CACNA1E: variants seen among roughly 807,000 people sequenced by gnomAD.
CACNA1E encodes the protein calcium voltage-gated channel subunit alpha1 E, also known as voltage-dependent R-type calcium channel subunit alpha-1E.
In CACNA1E, 40 loss-of-function variants were observed where a neutral mutation model predicts 259.2. The ratio of observed to expected loss-of-function variants is 0.15; its 90% confidence interval spans 0.12 to 0.20. The LOEUF is 0.20. CACNA1E is among the 10% of genes least tolerant of loss of function. The probability of loss-of-function intolerance (pLI) is 1.00; values close to 1 mark genes in which losing one functional copy is unlikely to be tolerated. For missense variants in CACNA1E, 1,874 were observed against 3,040.1 expected (o/e 0.62, Z 9.02); for synonymous variants, 1,104 against 1,138.5 (o/e 0.97, Z 0.61).
chr1:181,694,764 C>T (rs912846410), intron 7 of CACNA1E, among the ~76,000 whole-genome samples: 1 of 152,140 alleles, frequency 6.6e-6, no homozygotes, highest in African/African-American at 2.4e-5. Context: ...AAACCTACAG[C>T]CAGCATCATA....
At chr1:181,467,922 A>G (rs536375845) in intron 2 of CACNA1E, among the ~76,000 whole-genome samples, 1 of 152,342 alleles carries the variant, frequency 6.6e-6, no homozygotes, top group South Asian at 2.1e-4. Context: ...TCTAGTGGCT[A>G]CAGGCCAGGG....
Position 181,630,384 on chromosome 1 carries a change from G to GC in CACNA1E, c.952-20947dup, listed in dbSNP as rs371364830. The stretch of plus-strand genomic sequence containing the variant: ...TGGGACAAAGCAGTGTAATTAACAT[G>GC]CCCCCCCACCCCGCCTTAAAACCTA... On this transcript the variant is annotated intron_variant, in intron 6 of 47. Transcript: ENST00000367573. Among the ~76,000 whole-genome samples, 1,349 of 144,718 alleles carry GC rather than the reference G, an allele frequency of 9.3e-3. 21 individuals are homozygous for GC. The highest frequency in any genetic ancestry group is 0.029 in the South Asian group (127 of 4,360). The allele number at this position is 144,718 out of a possible 152,430, so 94.9% of individuals were successfully genotyped here. A position where few individuals can be genotyped will look rare whatever the true frequency, so the allele number is the denominator to read the frequency against.
intron 6 of CACNA1E, among the ~76,000 whole-genome samples, chr1:181,639,339 T>A (rs1657537324): frequency 6.6e-6 from 1 of 152,196 alleles, no homozygotes. Context: ...CCACCCACCT[T>A]GGCCTACCAA....
intron 7 of CACNA1E, among the ~76,000 whole-genome samples, chr1:181,682,791 C>T (rs748329305): frequency 2.0e-5 from 3 of 152,134 alleles, no homozygotes; most frequent in Non-Finnish European, 4.4e-5. Flanking sequence ...TTTTAAACAA[C>T]CAGATCTCAT....
In CACNA1E at chr1:181,485,431, C is replaced by A. The variant is rs190405377; in HGVS notation, c.266+1421C>A. 6.6e-6 allele frequency among the ~76,000 whole-genome samples: 1 copy of A among 152,306 alleles called. No individual in the cohort carries two copies. The highest frequency in any genetic ancestry group is 1.9e-4 in the East Asian group (1 of 5,182). ...CTAGGCAGCACCCCCTCATTAGAAA[C>A]GAAGGAGCATCTCTAAGCAGATATT... On this transcript the variant is annotated intron_variant, in intron 1 of 47. Transcript: ENST00000367573. The surrounding 1 kb of genome is among the most constrained non-coding windows in gnomAD (Gnocchi z 4.2).
chr1:181,638,553 T>A (rs1228064267), intron 6 of CACNA1E, among the ~76,000 whole-genome samples: 3 of 152,182 alleles, frequency 2.0e-5, no homozygotes, highest in African/African-American at 4.8e-5. Flanking sequence ...CTTGGGCACA[T>A]CCCCTGTGCC....
At chr1:181,426,742 C>T (rs1659275568) in intron 2 of CACNA1E, among the ~76,000 whole-genome samples, 1 of 149,728 alleles carries the variant, frequency 6.7e-6, no homozygotes, top group African/African-American at 2.5e-5. Context: ...CACAACTCAG[C>T]CCCTTCCCGT....
At chr1:181,325,800 A>C (rs955188952) in intron 1 of CACNA1E, among the ~76,000 whole-genome samples, 10 of 152,196 alleles carry the variant, frequency 6.6e-5, no homozygotes. Flanking sequence ...ACATCCCAGC[A>C]TCTTCTGCAA....
chr1:181,750,972 T>C (rs992960437), intron 26 of CACNA1E, among the ~76,000 whole-genome samples: 16 of 146,748 alleles, frequency 1.1e-4, no homozygotes, highest in African/African-American at 4.0e-4. Flanking sequence ...TTTATCTCCC[T>C]GTCAGGGGGG....
At chr1:181,717,865 G>A (rs1248908267) in intron 11 of CACNA1E, among the ~76,000 whole-genome samples, 190 bp from the exon 12 acceptor site, 1 of 152,184 alleles carries the variant, frequency 6.6e-6, no homozygotes. Flanking sequence ...TCTCTTGAGT[G>A]CACCTGGGAC....
intron 34 of CACNA1E, among the ~76,000 whole-genome samples, chr1:181,765,485 T>G (rs1296018033): frequency 6.6e-6 from 1 of 152,218 alleles, no homozygotes; most frequent in Admixed American, 6.5e-5. Flanking sequence ...AATCAACACT[T>G]CATTGGAGAG....
intron 6 of CACNA1E, among the ~76,000 whole-genome samples, chr1:181,645,848 A>T (rs189443485): frequency 7.9e-4 from 120 of 152,382 alleles, no homozygotes; most frequent in African/African-American, 2.7e-3. Context: ...TTGAATAAAA[A>T]ATATGGCATT....
intron 7 of CACNA1E, among the ~76,000 whole-genome samples, chr1:181,659,717 C>A (rs939622038): frequency 2.0e-5 from 3 of 152,178 alleles, no homozygotes; most frequent in South Asian, 4.1e-4. Context: ...TTCAAAGCAC[C>A]TTTGCTTTTG....
At chr1:181,619,015 TG>T (rs1325204640) in intron 6 of CACNA1E, among the ~76,000 whole-genome samples, 1 of 152,196 alleles carries the variant, frequency 6.6e-6, no homozygotes, top group African/African-American at 2.4e-5. Flanking sequence ...AACAAATTTT[TG>T]TTGAGTATCA....
chr1:181,674,944 G>C (rs112940882), intron 7 of CACNA1E, among the ~76,000 whole-genome samples: 1 of 152,172 alleles, frequency 6.6e-6, no homozygotes, highest in African/African-American at 2.4e-5. Flanking sequence ...TTCCTGTTTC[G>C]ATTCCTTTTC....
intron 38 of CACNA1E, among the ~76,000 whole-genome samples, chr1:181,777,215 A>G (rs1373825962): frequency 6.6e-6 from 1 of 152,230 alleles, no homozygotes; most frequent in Non-Finnish European, 1.5e-5. Flanking sequence ...GCTTACTCCA[A>G]AGGAACTGTT....
chr1:181,615,412 A>G (rs1395500366), intron 6 of CACNA1E, among the ~76,000 whole-genome samples: 3 of 151,392 alleles, frequency 2.0e-5, no homozygotes, highest in Non-Finnish European at 4.4e-5. Context: ...CTGGTCTTGA[A>G]CTCCTGAGCT....
At chr1:181,709,009 C>A (rs931536975) in intron 7 of CACNA1E, among the ~76,000 whole-genome samples, 1 of 152,040 alleles carries the variant, frequency 6.6e-6, no homozygotes, top group African/African-American at 2.4e-5. Context: ...GTGGTCCAGG[C>A]AGGGAAGGAT....
At chr1:181,601,551 T>C (rs1431356805) in intron 6 of CACNA1E, among the ~76,000 whole-genome samples, 3 of 152,184 alleles carry the variant, frequency 2.0e-5, no homozygotes, top group Non-Finnish European at 4.4e-5. Context: ...TTGGAACCAG[T>C]CTTCCCATTT....
Sources: gnomAD v4.1 joint callset for allele counts (sites outside exome capture counted in the v4.1 genomes callset) on GRCh38, gnomAD v4.1.1 for gene constraint, Gnocchi (gnomAD v3.1) non-coding constraint, MANE v1.5 for transcripts, NCBI Gene and HGNC (gene_info 2026-07-23, HGNC 2026-07-21) for gene names.